The following PSMD3 variants were observed in gnomAD, a reference collection of about 807,000 sequenced individuals.
The protein encoded by PSMD3 is proteasome 26S subunit, non-ATPase 3, also known as 26S proteasome non-ATPase regulatory subunit 3.
A neutral mutation model predicts 62.8 loss-of-function variants in PSMD3; 5 were observed. The observed-to-expected ratio is 0.08, with a 90% CI of 0.04 to 0.17. The LOEUF (loss-of-function observed/expected upper bound fraction) is 0.17. Ranked by LOEUF, PSMD3 falls within the 10% of genes least tolerant of loss-of-function variation. The probability of loss-of-function intolerance (pLI) is 1.00; values close to 1 mark genes in which losing one functional copy is unlikely to be tolerated. For synonymous variants in PSMD3, 265 were observed against 283.9 expected (o/e 0.93, Z 0.67); for missense variants, 524 against 713.6 (o/e 0.73, Z 3.03).
At chr17:39,990,049 G>A (rs1390552590) in intron 5 of PSMD3, 45 bp from the exon 6 acceptor site, 1 of 1,600,794 alleles carries the variant, frequency 6.2e-7, no homozygotes, top group Non-Finnish European at 8.6e-7. Context: ...TGGGGAGTTG[G>A]ATGACCCTAC....
rs969797176 is a variant in PSMD3 at position 39,995,871 on chromosome 17, C to T, written c.1321-312C>T. The T allele has an allele frequency of 2.7e-5, 13 of 476,886 alleles. No homozygotes were observed. The highest frequency in any genetic ancestry group is 6.0e-4 in the Middle Eastern group (1 of 1,674). 29.5% of individuals were successfully genotyped at this position (476,886 alleles called of 1,614,324 possible). A position where few individuals can be genotyped will look rare whatever the true frequency, so the allele number is the denominator to read the frequency against. Reference sequence around the variant, plus strand: ...CAGTGGCTCATGCCTGTAATCCCAGCACTTTGGGAGGCTGACATGGGCAGA... The same window carrying T: ...CAGTGGCTCATGCCTGTAATCCCAGTACTTTGGGAGGCTGACATGGGCAGA... On this transcript the variant is annotated intron_variant, in intron 9 of 11. Transcript: ENST00000264639. This position sits in a 1 kb window ranked among gnomAD's most constrained non-coding sequence, Gnocchi z 4.1.
In PSMD3 at chr17:39,996,861, T is replaced by C. The variant is rs1980796899; in HGVS notation, c.1477-469T>C. ...ACTATTTGCTTGCCATGTTTTTTTCTGGTCTCCTCCGAGGAAACTAGGATA... is the reference window on the plus strand; with the variant it reads ...ACTATTTGCTTGCCATGTTTTTTTCCGGTCTCCTCCGAGGAAACTAGGATA... On this transcript the variant is annotated intron_variant, in intron 10 of 11. Coordinates refer to ENST00000264639, the MANE Select transcript of PSMD3 (RefSeq NM_002809.4). This position sits in a 1 kb window ranked among gnomAD's most constrained non-coding sequence, Gnocchi z 5.1. 2.2e-5 allele frequency: 10 copies of C among 448,080 alleles called. No homozygotes were observed. The highest frequency in any genetic ancestry group is 1.6e-4 in the South Asian group (10 of 62,788). The allele number at this position is 448,080 out of a possible 1,614,324, so 27.8% of individuals were successfully genotyped here.
chr17:39,987,647 C>T (rs1980556948), intron 3 of PSMD3, among the ~76,000 whole-genome samples: 1 of 152,146 alleles, frequency 6.6e-6, no homozygotes, highest in South Asian at 2.1e-4. Flanking sequence ...TGCGCCTGGC[C>T]CACTGTTTTG....
In PSMD3 at chr17:39,995,615, G is replaced by A. The variant is rs2144817274; in HGVS notation, c.1320+88G>A. On this transcript the variant is annotated intron_variant, in intron 9 of 11. Transcript: ENST00000264639. The surrounding 1 kb of genome is among the most constrained non-coding windows in gnomAD (Gnocchi z 4.1). ...GGAGTGGGAGGAGTTTGGCCAAGGA[G>A]GGGAATAGGTAAAGCAATGGCATAG... 7.7e-7 allele frequency: 1 copy of A among 1,299,258 alleles called. No individual in the cohort carries two copies. The highest frequency in any genetic ancestry group is 1.5e-5 in the African/African-American group (1 of 68,450). The allele number at this position is 1,299,258 out of a possible 1,614,324, so 80.5% of individuals were successfully genotyped here. A position where few individuals can be genotyped will look rare whatever the true frequency, so the allele number is the denominator to read the frequency against.
In PSMD3 at chr17:39,980,891, C is replaced by A; in HGVS notation, c.-80C>A. ...ATCTCGCGCTCGTGTGCAGGCCCGGCTCGGCTCCTGGTCCCCGGTGCGAGG... is the reference window on the plus strand; with the variant it reads ...ATCTCGCGCTCGTGTGCAGGCCCGGATCGGCTCCTGGTCCCCGGTGCGAGG... On this transcript the variant is annotated 5_prime_UTR_variant, in exon 1 of 12. Coordinates refer to ENST00000264639, the MANE Select transcript of PSMD3 (RefSeq NM_002809.4). The A allele has an allele frequency of 1.5e-6, 2 of 1,291,800 alleles. No homozygotes were observed. The highest frequency in any genetic ancestry group is 2.1e-6 in the Non-Finnish European group (2 of 971,766). 80.0% of individuals were successfully genotyped at this position (1,291,800 alleles called of 1,614,324 possible).
intron 3 of PSMD3, among the ~76,000 whole-genome samples, 169 bp from the exon 4 acceptor site, chr17:39,988,514 G>C (rs1447973956): frequency 1.3e-5 from 2 of 152,114 alleles, no homozygotes; most frequent in African/African-American, 4.8e-5. Flanking sequence ...CTACTCTTTG[G>C]TTATGAATAA....
rs71369799 is a variant in PSMD3, at chr17:39,985,014, G to A, written c.411+530G>A. ...CAGCCTGGATTCAAACAATCTGCCCGCCCAGGAGTTTGAGACCAGCCTGGG... is the reference window on the plus strand; with the variant it reads ...CAGCCTGGATTCAAACAATCTGCCCACCCAGGAGTTTGAGACCAGCCTGGG... On this transcript the variant is annotated intron_variant, in intron 2 of 11. Transcript: ENST00000264639. 3.3e-3 allele frequency among the ~76,000 whole-genome samples: 500 copies of A among 152,086 alleles called. 5 individuals are homozygous for A. The highest frequency in any genetic ancestry group is 0.011 in the African/African-American group (473 of 41,488).
chr17:39,981,383 A>C (rs1431702213), intron 1 of PSMD3, among the ~76,000 whole-genome samples, 193 bp downstream of exon 1: 1 of 152,106 alleles, frequency 6.6e-6, no homozygotes, highest in Admixed American at 6.5e-5. Context: ...CAGGCTGGGA[A>C]CCACTCCCCT....
chr17:39,989,202 T>C (rs765261441), intron 4 of PSMD3, among the ~76,000 whole-genome samples: 1 of 152,132 alleles, frequency 6.6e-6, no homozygotes, highest in Non-Finnish European at 1.5e-5. Context: ...CGTGATCTGC[T>C]CCATTTTGAC....
intron 6 of PSMD3, chr17:39,994,584 C>A (rs895701347): frequency 3.6e-6 from 1 of 281,224 alleles, no homozygotes; most frequent in African/African-American, 2.2e-5. Flanking sequence ...GGCTGACACA[C>A]GTTCCGTTCT....
At chr17:39,994,757 C>T (rs765020832) in intron 6 of PSMD3, 197 bp from the exon 7 acceptor site, 49 of 594,938 alleles carry the variant, frequency 8.2e-5, no homozygotes, top group Non-Finnish European at 1.2e-4. Context: ...GGCCACATTC[C>T]CAGCACCCGG....
intron 6 of PSMD3, among the ~76,000 whole-genome samples, chr17:39,992,542 C>T (rs1425584151): frequency 7.9e-5 from 12 of 152,200 alleles, no homozygotes; most frequent in Non-Finnish European, 1.6e-4. Context: ...GGTGCTGGCT[C>T]ATCCTGTTCA....
chr17:39,989,898 CAAT>C lies in PSMD3; in HGVS notation c.847_849del (p.Asn283del), dbSNP rs768301535. On this transcript the variant is annotated inframe_deletion, in exon 5 of 12. Coordinates refer to ENST00000264639, the MANE Select transcript of PSMD3 (RefSeq NM_002809.4). ...CTGTGTTCCCAGAGCAGGCCAACAA[CAAT>C]GAGTGGGCCAGGTACCTCTACTACA... 25 of 1,613,970 alleles carry C rather than the reference CAAT, an allele frequency of 1.5e-5. No homozygotes were observed. Among genetic ancestry groups the C allele is most frequent in the Non-Finnish European group, 1.9e-5 (23 of 1,179,974 alleles).
At chr17:39,994,721 G>A (rs966203289) in intron 6 of PSMD3, 25 of 551,680 alleles carry the variant, frequency 4.5e-5, no homozygotes, top group African/African-American at 4.4e-4. Flanking sequence ...TGCAGCTGAC[G>A]GCTCTGCGAC....
intron 6 of PSMD3, among the ~76,000 whole-genome samples, chr17:39,992,023 T>TCAAAAAAAAAAAAAAAAAAAAAA (rs1980666525): frequency 6.0e-5 from 4 of 66,602 alleles, no homozygotes; most frequent in Admixed American, 1.4e-4. Context: ...AGACTCTGTC[T>TCAAAAAAAAAAAAAAAAAAAAAA]CAAAAAAAAA....
At chr17:39,988,570 T>C (rs1226151582) in intron 3 of PSMD3, 113 bp from the exon 4 acceptor site, 8 of 1,245,972 alleles carry the variant, frequency 6.4e-6, no homozygotes. Flanking sequence ...GAGCCTAAGT[T>C]TCCAGTTCTC....
At chr17:39,994,703 A>G in intron 6 of PSMD3, 1 of 524,910 alleles carries the variant, frequency 1.9e-6, no homozygotes, top group Non-Finnish European at 3.5e-6. Flanking sequence ...CGGGGTGGCC[A>G]GGTGAAATGC....
intron 2 of PSMD3, 39 bp downstream of exon 2, chr17:39,984,523 C>T: frequency 2.0e-6 from 3 of 1,518,672 alleles, no homozygotes; most frequent in Non-Finnish European, 2.7e-6. Flanking sequence ...GCAGGCCTGG[C>T]CTCAGATCCC....
chr17:39,984,972 A>C (rs1341103927), intron 2 of PSMD3, among the ~76,000 whole-genome samples: 1 of 151,660 alleles, frequency 6.6e-6, no homozygotes, highest in South Asian at 2.1e-4. Context: ...GGCTGAGGCG[A>C]GCAGATCGTT....
Sources: allele counts gnomAD v4.1 joint callset (sites outside exome capture counted in the v4.1 genomes callset), GRCh38; gene constraint gnomAD v4.1.1; non-coding constraint Gnocchi (gnomAD v3.1); transcripts MANE v1.5; gene names NCBI Gene and HGNC (gene_info 2026-07-23, HGNC 2026-07-21).